MGAT4C: variants seen among roughly 807,000 people sequenced by gnomAD.
MGAT4C encodes MGAT4 family member C.
A neutral mutation model predicts 40.1 loss-of-function variants in MGAT4C; 19 were observed. That is an observed-to-expected ratio of 0.47 (90% CI 0.33 to 0.70). The LOEUF is 0.70. Ranked by LOEUF, MGAT4C falls within the 30% of genes least tolerant of loss-of-function variation. MGAT4C has a pLI of 0.02. For missense variants in MGAT4C, 491 were observed against 563.2 expected, an observed-to-expected ratio of 0.87 and a Z score of 1.30; for synonymous variants, 181 against 187.1, an observed-to-expected ratio of 0.97 and a Z score of 0.27.
chr12:86,028,077 CCAT>C, intron 2 of MGAT4C: 1 of 1,230,938 alleles, frequency 8.1e-7, no homozygotes, highest in Non-Finnish European at 1.1e-6. Flanking sequence ...GTTAAATCTT[CCAT>C]CAACTACCTT....
At chr12:86,035,141 TG>T (rs754961281) in intron 2 of MGAT4C, among the ~76,000 whole-genome samples, 1 of 148,216 alleles carries the variant, frequency 6.7e-6, no homozygotes, top group Non-Finnish European at 1.5e-5. Context: ...CTAGATAAAT[TG>T]CCACCGTCTC....
At chr12:86,063,896 A>G (rs1341330915) in intron 1 of MGAT4C, among the ~76,000 whole-genome samples, 2 of 152,240 alleles carry the variant, frequency 1.3e-5, no homozygotes, top group Non-Finnish European at 2.9e-5. Flanking sequence ...CCAGATTCAT[A>G]AAGCAAGTTC....
chr12:86,502,761 ATATATATG>A lies in MGAT4C; in HGVS notation c.-228-67504_-228-67497del, dbSNP rs1402708025. On this transcript the variant is annotated intron_variant, in intron 2 of 7. Transcript: ENST00000548651. The stretch of plus-strand genomic sequence containing the variant: ...ATATATAAATACACGAGTTCTGCTC[ATATATATG>A]TATACACGAGTTCTGCTCATATATA... Among the ~76,000 whole-genome samples the A allele has an allele frequency of 1.3e-3, 85 of 63,474 alleles. 1 individual carries two copies. The highest frequency in any genetic ancestry group is 4.5e-3 in the African/African-American group (83 of 18,456). 41.6% of individuals were successfully genotyped at this position (63,474 alleles called of 152,430 possible).
At chr12:86,414,195 C>A (rs574023204) in intron 3 of MGAT4C, among the ~76,000 whole-genome samples, 130 of 151,868 alleles carry the variant, frequency 8.6e-4, no homozygotes, top group African/African-American at 3.0e-3. Context: ...GGATAAAAAT[C>A]TTGAACTAAA....
chr12:86,180,553 C>T (rs540259097), intron 1 of MGAT4C, among the ~76,000 whole-genome samples: 1 of 152,278 alleles, frequency 6.6e-6, no homozygotes, highest in African/African-American at 2.4e-5. Flanking sequence ...GGCAGAGCTG[C>T]CCAAGACTAT....
At chr12:86,202,994 T>G (rs1165110369) in intron 1 of MGAT4C, among the ~76,000 whole-genome samples, 1 of 149,086 alleles carries the variant, frequency 6.7e-6, no homozygotes, top group African/African-American at 2.5e-5. Context: ...CTTTTGCTGC[T>G]AAGTATATGT....
intron 2 of MGAT4C, among the ~76,000 whole-genome samples, chr12:86,592,109 G>A (rs1483377193): frequency 6.6e-6 from 1 of 151,988 alleles, no homozygotes; most frequent in East Asian, 1.9e-4. Context: ...TCTTAAGTTA[G>A]GAAGCAAATT....
chr12:86,239,240 G>T (rs1339365123), intron 1 of MGAT4C, among the ~76,000 whole-genome samples: 1 of 152,036 alleles, frequency 6.6e-6, no homozygotes, highest in African/African-American at 2.4e-5. Flanking sequence ...ACTTTTGGAT[G>T]TCTCAATGAA....
intron 1 of MGAT4C, among the ~76,000 whole-genome samples, chr12:86,155,292 A>T (rs935314771): frequency 6.6e-6 from 1 of 152,208 alleles, no homozygotes; most frequent in African/African-American, 2.4e-5. Flanking sequence ...GTATCAAAGT[A>T]TAATGAATAG....
At chr12:86,145,797 G>T (rs766047372) in intron 1 of MGAT4C, among the ~76,000 whole-genome samples, 6 of 152,084 alleles carry the variant, frequency 3.9e-5, no homozygotes, top group Non-Finnish European at 7.4e-5. Flanking sequence ...AGAACAGAAA[G>T]ATTTTGCTCA....
chr12:86,770,401 A>G (rs577318755), intron 1 of MGAT4C, among the ~76,000 whole-genome samples: 28 of 152,222 alleles, frequency 1.8e-4, no homozygotes, highest in African/African-American at 6.5e-4. Flanking sequence ...TATCTAATCA[A>G]TACCATTCTG....
At chr12:86,736,015 CCT>C (rs1363248876) in intron 1 of MGAT4C, among the ~76,000 whole-genome samples, 1 of 151,772 alleles carries the variant, frequency 6.6e-6, no homozygotes, top group Admixed American at 6.6e-5. Context: ...CTATAAAAAG[CCT>C]CTCTCTGTTG....
At chr12:86,509,468 G>T (rs550130196) in intron 2 of MGAT4C, among the ~76,000 whole-genome samples, 65 of 152,258 alleles carry the variant, frequency 4.3e-4, no homozygotes, top group Admixed American at 7.2e-4. Context: ...CTGTAACCTT[G>T]TAGTATAGTT....
chr12:86,228,083 A>G (rs556656355), intron 1 of MGAT4C, among the ~76,000 whole-genome samples: 8 of 151,982 alleles, frequency 5.3e-5, no homozygotes, highest in Middle Eastern at 3.4e-3. Context: ...ATCAAGTACC[A>G]TATCAGATGT....
chr12:86,450,549 C>A (rs902320395), intron 2 of MGAT4C, among the ~76,000 whole-genome samples: 1 of 151,878 alleles, frequency 6.6e-6, no homozygotes. Context: ...ATACTTAGTG[C>A]TTCTTGAGTT....
intron 2 of MGAT4C, among the ~76,000 whole-genome samples, chr12:86,690,279 A>G (rs2136595953): frequency 6.6e-6 from 1 of 152,280 alleles, no homozygotes; most frequent in South Asian, 2.1e-4. Flanking sequence ...ACTAAGCAAG[A>G]CCACTTGGCT....
At chr12:86,358,632 G>A (rs1955374750) in intron 3 of MGAT4C, among the ~76,000 whole-genome samples, 1 of 152,104 alleles carries the variant, frequency 6.6e-6, no homozygotes. Context: ...GATGGAGGAA[G>A]ATCTACCAAG....
chr12:86,448,367 T>G (rs540571086), intron 2 of MGAT4C, among the ~76,000 whole-genome samples: 1 of 152,318 alleles, frequency 6.6e-6, no homozygotes, highest in Middle Eastern at 3.4e-3. Context: ...TTACCTAAGA[T>G]AGTCACATTC....
intron 1 of MGAT4C, among the ~76,000 whole-genome samples, chr12:86,191,751 GGTGTGTGTGTGTGT>G (rs570173863): frequency 1.0e-5 from 1 of 98,464 alleles, no homozygotes; most frequent in Non-Finnish European, 2.0e-5. Flanking sequence ...AGGAGATAAA[GGTGTGTGTGTGTGT>G]GTGTGTGTGT....
Sources: gnomAD v4.1 joint callset for allele counts (sites outside exome capture counted in the v4.1 genomes callset) on GRCh38, gnomAD v4.1.1 for gene constraint, MANE v1.5 for transcripts, NCBI Gene and HGNC (gene_info 2026-07-23, HGNC 2026-07-21) for gene names.